CCDC85A: variants seen among roughly 807,000 people sequenced by gnomAD.
CCDC85A encodes coiled-coil domain containing 85A.
In CCDC85A, 38 loss-of-function variants were observed where a neutral mutation model predicts 50.2. The ratio of observed to expected loss-of-function variants is 0.76; its 90% confidence interval spans 0.58 to 0.99. The LOEUF is 0.99. Among genes scored for constraint, CCDC85A ranks in the 50% least tolerant of loss-of-function variants. The probability of loss-of-function intolerance (pLI) is 0.00; values close to 1 mark genes in which losing one functional copy is unlikely to be tolerated. For missense variants in CCDC85A, 820 were observed against 742.0 expected, an observed-to-expected ratio of 1.11 and a Z score of -1.22; for synonymous variants, 366 against 301.4, an observed-to-expected ratio of 1.21 and a Z score of -2.22.
chr2:56,266,395 C>A (rs766590574), intron 2 of CCDC85A, among the ~76,000 whole-genome samples: 1 of 151,940 alleles, frequency 6.6e-6, no homozygotes, highest in Non-Finnish European at 1.5e-5. Context: ...CATAGCAAGA[C>A]CCTGTTTCTA....
In CCDC85A at chr2:56,372,428, C is replaced by T. The variant is rs1427123264; in HGVS notation, c.1402C>T (p.Gln468Ter). The T allele has an allele frequency of 2.5e-6, 4 of 1,608,950 alleles. No homozygotes were observed. Among genetic ancestry groups the T allele is most frequent in the Middle Eastern group, 1.7e-4 (1 of 6,056 alleles). The change falls in exon 4 of 6, where the codon CAG becomes TAG. Residue 468 changes from glutamine (Q) to a stop codon, truncating the protein, a stop_gained. Coordinates refer to ENST00000407595, the MANE Select transcript of CCDC85A (RefSeq NM_001080433.2). LOFTEE classifies it high-confidence loss of function. ...GWGSRARRVLQWWQGCRGIGR... is the reference protein window; with the variant it reads ...GWGSRARRVL ...GGGGTCCAGAGCCCGGCGGGTCTTG[C>T]AGTGGTGGCAAGGGTGCCGAGGAAT...
At position 56,193,408 on chromosome 2, in the gene CCDC85A, C is replaced by A; in HGVS notation, c.1208C>A (p.Pro403His). The change falls in exon 2 of 6, where the codon CCC (proline) becomes CAC (histidine). Residue 403 changes from proline (P) to histidine (H), a missense_variant. Pro to His is a moderately conservative substitution (Grantham distance 77). Coordinates refer to ENST00000407595, the MANE Select transcript of CCDC85A (RefSeq NM_001080433.2). ...CGGCAGGCACAGGAGGACGGGTCAC[C>A]CCATCACCGGAATGTCTACAGTGGC... ...LRRQAQEDGS[P>H]HHRNVYSGMN... The A allele has an allele frequency of 6.2e-7, 1 of 1,609,860 alleles. No homozygotes were observed. The highest frequency in any genetic ancestry group is 8.5e-7 in the Non-Finnish European group (1 of 1,178,134).
chr2:56,256,084 G>A (rs113747213), intron 2 of CCDC85A, among the ~76,000 whole-genome samples: 276 of 152,248 alleles, frequency 1.8e-3, no homozygotes, highest in African/African-American at 6.3e-3. Flanking sequence ...ACAATAAATT[G>A]CATGGCAGGA....
intron 2 of CCDC85A, among the ~76,000 whole-genome samples, chr2:56,221,747 T>C (rs985506068): frequency 1.2e-4 from 19 of 152,148 alleles, no homozygotes; most frequent in African/African-American, 4.6e-4. Context: ...AGAATGAATT[T>C]GTTAGGTTAT....
chr2:56,340,443 TTAAC>T (rs1020255558), intron 2 of CCDC85A, among the ~76,000 whole-genome samples: 1 of 152,128 alleles, frequency 6.6e-6, no homozygotes, highest in African/African-American at 2.4e-5. Context: ...TGCTTCAATA[TTAAC>T]TATGGAAGTG....
rs761071143 is a variant in CCDC85A, at chr2:56,193,005, G to C, written c.805G>C (p.Asp269His). Residue 269 changes from aspartate to histidine, a missense_variant, in exon 2 of 6, where the codon GAT (aspartate) becomes CAT (histidine). Physicochemically the swap from Asp to His is moderately conservative, Grantham distance 81. Transcript: ENST00000407595. ...PQKPRACGTP[D>H]RPKALKGPSP... ...GAAACCCAGAGCCTGTGGAACCCCA[G>C]ATCGCCCCAAAGCACTCAAAGGACC... 2.5e-6 allele frequency: 4 copies of C among 1,613,508 alleles called. No homozygotes were observed. The highest frequency in any genetic ancestry group is 3.4e-6 in the Non-Finnish European group (4 of 1,179,826).
intron 2 of CCDC85A, among the ~76,000 whole-genome samples, chr2:56,214,544 G>T (rs1189022319): frequency 6.6e-6 from 1 of 151,932 alleles, no homozygotes; most frequent in Non-Finnish European, 1.5e-5. Flanking sequence ...TTTTGTAAAA[G>T]ATATAAGGTC....
At chr2:56,194,106 A>G (rs1284000245) in intron 2 of CCDC85A, among the ~76,000 whole-genome samples, 2 of 152,174 alleles carry the variant, frequency 1.3e-5, no homozygotes, top group Non-Finnish European at 2.9e-5. Context: ...ACTGTCATCA[A>G]ACTCCCTTAT....
intron 2 of CCDC85A, among the ~76,000 whole-genome samples, chr2:56,204,242 A>G (rs72917060): frequency 0.028 from 4,197 of 152,284 alleles, 193 homozygotes; most frequent in African/African-American, 0.094. Context: ...ACATTTACTA[A>G]AGGGCAATCT....
At chr2:56,316,115 A>G (rs1335894637) in intron 2 of CCDC85A, among the ~76,000 whole-genome samples, 1 of 150,414 alleles carries the variant, frequency 6.6e-6, no homozygotes, top group African/African-American at 2.5e-5. Flanking sequence ...ATATTTGTCA[A>G]AATAACTTAA....
At chr2:56,382,153 C>T (rs77006203) in intron 5 of CCDC85A, among the ~76,000 whole-genome samples, 7,702 of 151,936 alleles carry the variant, frequency 0.051, 239 homozygotes, top group South Asian at 0.1. Context: ...GTCAATGCCA[C>T]AGAATAGGGA....
At chr2:56,307,593 T>C (rs1205116733) in intron 2 of CCDC85A, among the ~76,000 whole-genome samples, 3 of 152,222 alleles carry the variant, frequency 2.0e-5, no homozygotes, top group African/African-American at 7.2e-5. Flanking sequence ...ATGTTTATTT[T>C]GTGGCAGTTA....
chr2:56,300,099 C>A (rs1358286159), intron 2 of CCDC85A, among the ~76,000 whole-genome samples: 1 of 152,118 alleles, frequency 6.6e-6, no homozygotes, highest in Admixed American at 6.6e-5. Flanking sequence ...TCTAGGCAAA[C>A]TAGGCCCTTC....
At chr2:56,356,352 G>T (rs553808037) in intron 3 of CCDC85A, among the ~76,000 whole-genome samples, 9 of 152,204 alleles carry the variant, frequency 5.9e-5, no homozygotes, top group Non-Finnish European at 1.2e-4. Flanking sequence ...TTCTACTCCT[G>T]TTTCTACCAC....
chr2:56,201,076 CCACACACACACACACACA>C (rs72152096), intron 2 of CCDC85A, among the ~76,000 whole-genome samples: 6 of 147,406 alleles, frequency 4.1e-5, no homozygotes, highest in African/African-American at 1.3e-4. Flanking sequence ...TCATCTCTCT[CCACACACACACACACACA>C]CACACACACA....
In CCDC85A at chr2:56,184,145, C is replaced by T. The variant is rs1675884118; in HGVS notation, c.-480C>T. ...GAGGCGCCGCGGTGCCCGGCGCGCC[C>T]TCCAAGCTAGGAGAGGGGAGAAGCC... On this transcript the variant is annotated 5_prime_UTR_variant, in exon 1 of 6. Transcript: ENST00000407595. The T allele has an allele frequency of 1.0e-6, 1 of 985,844 alleles. No individual in the cohort carries two copies. Among genetic ancestry groups the T allele is most frequent in the Non-Finnish European group, 1.2e-6 (1 of 830,366 alleles). The allele number at this position is 985,844 out of a possible 1,614,324, so 61.1% of individuals were successfully genotyped here.
intron 2 of CCDC85A, among the ~76,000 whole-genome samples, chr2:56,267,051 A>G (rs1361816028): frequency 1.3e-5 from 2 of 151,850 alleles, no homozygotes; most frequent in South Asian, 2.1e-4. Context: ...TTTTTCTAAT[A>G]TACAATGTAG....
chr2:56,369,894 A>G (rs1675988463), intron 3 of CCDC85A, among the ~76,000 whole-genome samples: 1 of 152,130 alleles, frequency 6.6e-6, no homozygotes, highest in Non-Finnish European at 1.5e-5. Flanking sequence ...AAGGAATAAA[A>G]ACTATTGACT....
chr2:56,342,424 A>G (rs750642913), intron 2 of CCDC85A, among the ~76,000 whole-genome samples: 35 of 152,200 alleles, frequency 2.3e-4, no homozygotes, highest in Non-Finnish European at 4.3e-4. Context: ...GGATTTCGGT[A>G]TTAGATTCAG....
Sources: gnomAD v4.1 joint callset for allele counts (sites outside exome capture counted in the v4.1 genomes callset) on GRCh38, gnomAD v4.1.1 for gene constraint, MANE v1.5 for transcripts, NCBI Gene and HGNC (gene_info 2026-07-23, HGNC 2026-07-21) for gene names.